The following PIP4P2 variants were observed in gnomAD, a reference collection of about 807,000 sequenced individuals.
PIP4P2 encodes phosphatidylinositol-4,5-bisphosphate 4-phosphatase 2.
Under a neutral mutation model 33.3 loss-of-function variants are expected in PIP4P2, and 19 were observed. The observed-to-expected ratio is 0.57, with a 90% CI of 0.40 to 0.84. PIP4P2 has a LOEUF of 0.84. Ranked by LOEUF, PIP4P2 falls within the 40% of genes least tolerant of loss-of-function variation. The pLI, the probability that PIP4P2 is intolerant of heterozygous loss-of-function variation, is 0.00. For synonymous variants in PIP4P2, 110 were observed against 111.9 expected (o/e 0.98, Z 0.11); for missense variants, 270 against 324.7 (o/e 0.83, Z 1.29).
In PIP4P2 at chr8:91,003,948, G is replaced by GAGATAGATAGAT. The variant is rs74275339; in HGVS notation, c.539+4783_539+4794dup. Among the ~76,000 whole-genome samples the GAGATAGATAGAT allele has an allele frequency of 7.3e-3, 1,007 of 138,158 alleles. 7 individuals are homozygous for GAGATAGATAGAT. Among genetic ancestry groups the GAGATAGATAGAT allele is most frequent in the East Asian group, 9.4e-3 (43 of 4,574 alleles). The allele number at this position is 138,158 out of a possible 152,430, so 90.6% of individuals were successfully genotyped here. A position where few individuals can be genotyped will look rare whatever the true frequency, so the allele number is the denominator to read the frequency against. ...TTCTCCAGAAAGCCAGAACCAACAG[G>GAGATAGATAGAT]AGATAGATAGATAGATAGATAGATA... On this transcript the variant is annotated intron_variant, in intron 5 of 6. Coordinates refer to ENST00000285419, the MANE Select transcript of PIP4P2 (RefSeq NM_018710.3).
chr8:91,018,175 T>C (rs183099828), intron 4 of PIP4P2, among the ~76,000 whole-genome samples: 113 of 152,314 alleles, frequency 7.4e-4, no homozygotes, highest in Admixed American at 3.7e-3. Flanking sequence ...GGATCCTTTT[T>C]GCAACTGGAC....
chr8:91,023,075 T>G (rs950822471), intron 1 of PIP4P2, among the ~76,000 whole-genome samples: 1 of 152,080 alleles, frequency 6.6e-6, no homozygotes, highest in Non-Finnish European at 1.5e-5. Flanking sequence ...ACAATATACT[T>G]AAGGTCTTGC....
chr8:91,023,143 T>C (rs1036321419), intron 1 of PIP4P2, among the ~76,000 whole-genome samples: 3 of 151,588 alleles, frequency 2.0e-5, no homozygotes, highest in African/African-American at 7.3e-5. Flanking sequence ...GGAAAGAATA[T>C]GTACCTCACT....
rs560274279 is a variant in PIP4P2, at chr8:91,030,626, C to T, written c.107-9222G>A. On this transcript the variant is annotated intron_variant, in intron 1 of 6. Coordinates refer to ENST00000285419, the MANE Select transcript of PIP4P2 (RefSeq NM_018710.3). ...ATATGCTCAGAATTGTTACTCCAACCCTTATGCCCATTCGCCAAGTCTTAC... is the reference window on the plus strand; with the variant it reads ...ATATGCTCAGAATTGTTACTCCAACTCTTATGCCCATTCGCCAAGTCTTAC... 8.9e-4 allele frequency among the ~76,000 whole-genome samples: 135 copies of T among 152,100 alleles called. No homozygotes were observed. The South Asian group carries it at 0.012, about 14-fold the overall frequency.
intron 3 of PIP4P2, among the ~76,000 whole-genome samples, chr8:91,019,162 T>C (rs1159740105): frequency 1.3e-5 from 2 of 152,016 alleles, no homozygotes; most frequent in African/African-American, 2.4e-5. Flanking sequence ...CCAGAATTTA[T>C]TGCACATATA....
chr8:91,001,058 A>G (rs997896067), intron 5 of PIP4P2, among the ~76,000 whole-genome samples: 6 of 151,916 alleles, frequency 3.9e-5, no homozygotes, highest in African/African-American at 1.5e-4. Flanking sequence ...GTTTCTTTCT[A>G]TATCTATCTG....
In PIP4P2 at chr8:90,994,041, T is replaced by C. The variant is rs372163873; in HGVS notation, c.*1636A>G. Reference sequence around the variant, plus strand: ...ATTCAGTATACAATGCTGTTACAACTAGTTAACCATTAGGAAAAGAAGTAA... The same window carrying C: ...ATTCAGTATACAATGCTGTTACAACCAGTTAACCATTAGGAAAAGAAGTAA... On this transcript the variant is annotated 3_prime_UTR_variant, in exon 7 of 7. Coordinates refer to ENST00000285419, the MANE Select transcript of PIP4P2 (RefSeq NM_018710.3). 3 of 152,172 alleles carry C rather than the reference T, an allele frequency of 2.0e-5. No individual in the cohort carries two copies. Among genetic ancestry groups the C allele is most frequent in the Admixed American group, 1.3e-4 (2 of 15,276 alleles). 9.4% of individuals were successfully genotyped at this position (152,172 alleles called of 1,614,324 possible).
rs527650418 is a variant in PIP4P2 at position 91,031,840 on chromosome 8, C to T, written c.106+8804G>A. On this transcript the variant is annotated intron_variant, in intron 1 of 6. Coordinates refer to ENST00000285419, the MANE Select transcript of PIP4P2 (RefSeq NM_018710.3). ...GAGTGAGATAAGAAAGGATAACAAG[C>T]ATCTACATTTTAAATTTATAGATAT... is the stretch of plus-strand genomic sequence containing the variant. Among the ~76,000 whole-genome samples, 143 of 152,228 alleles carry T rather than the reference C, an allele frequency of 9.4e-4. 1 individual carries two copies. Among genetic ancestry groups the T allele is most frequent in the African/African-American group, 3.3e-3 (136 of 41,560 alleles).
At chr8:91,018,303 A>G in intron 4 of PIP4P2, 87 bp downstream of exon 4, 1 of 1,559,016 alleles carries the variant, frequency 6.4e-7, no homozygotes, top group Middle Eastern at 1.7e-4. Flanking sequence ...TTGCATTTGG[A>G]CAAAACTATA....
intron 1 of PIP4P2, among the ~76,000 whole-genome samples, chr8:91,023,044 T>A (rs539576356): frequency 6.6e-6 from 1 of 152,242 alleles, no homozygotes; most frequent in African/African-American, 2.4e-5. Flanking sequence ...GAAAAAAACA[T>A]GTTAAAGAAA....
intron 1 of PIP4P2, among the ~76,000 whole-genome samples, chr8:91,036,377 C>T (rs1382514428): frequency 6.6e-6 from 1 of 152,154 alleles, no homozygotes; most frequent in African/African-American, 2.4e-5. Context: ...TATCCGTGTT[C>T]CCCAAAACTC....
At chr8:91,024,012 T>C (rs887913625) in intron 1 of PIP4P2, among the ~76,000 whole-genome samples, 1 of 152,018 alleles carries the variant, frequency 6.6e-6, no homozygotes, top group Non-Finnish European at 1.5e-5. Context: ...GGAGTGCAGC[T>C]TGATGGAAAA....
intron 1 of PIP4P2, among the ~76,000 whole-genome samples, chr8:91,031,550 G>A (rs932216055): frequency 3.3e-5 from 5 of 152,158 alleles, no homozygotes; most frequent in Non-Finnish European, 7.3e-5. Context: ...GATTGACCAA[G>A]CCTAAATATC....
chr8:91,014,985 C>T (rs1811894253), intron 4 of PIP4P2, among the ~76,000 whole-genome samples: 1 of 152,020 alleles, frequency 6.6e-6, no homozygotes, highest in Admixed American at 6.6e-5. Context: ...CAGAAAACCA[C>T]CCTTCCCCAA....
At chr8:91,034,748 T>C (rs530625948) in intron 1 of PIP4P2, among the ~76,000 whole-genome samples, 1 of 152,306 alleles carries the variant, frequency 6.6e-6, no homozygotes, top group Admixed American at 6.5e-5. Flanking sequence ...AGTCTTACAA[T>C]GGGTTGTGCA....
At chr8:91,008,143 C>T (rs1811786634) in intron 5 of PIP4P2, among the ~76,000 whole-genome samples, 1 of 152,066 alleles carries the variant, frequency 6.6e-6, no homozygotes, top group Non-Finnish European at 1.5e-5. Flanking sequence ...CTGTAGAAAA[C>T]CAAGGAACCC....
intron 4 of PIP4P2, among the ~76,000 whole-genome samples, chr8:91,011,029 GATAGAT>G (rs1811829966): frequency 1.4e-5 from 2 of 141,114 alleles, no homozygotes; most frequent in Non-Finnish European, 3.1e-5. Flanking sequence ...GAGATAGATA[GATAGAT>G]AGATAGATAG....
At chr8:91,040,418 T>TCACCACCACCACCACCACCACCATCAC (rs1812289082) in intron 1 of PIP4P2, among the ~76,000 whole-genome samples, 1 of 131,498 alleles carries the variant, frequency 7.6e-6, no homozygotes, top group African/African-American at 3.5e-5. Flanking sequence ...ACCACCACCA[T>TCACCACCACCACCACCACCACCATCAC]CACCACCACC....
At chr8:91,009,922 G>A (rs759981624) in intron 4 of PIP4P2, among the ~76,000 whole-genome samples, 22 of 151,748 alleles carry the variant, frequency 1.4e-4, no homozygotes, top group Non-Finnish European at 3.0e-4. Context: ...AAATAAAAGA[G>A]AAATAAAACT....
Sources: gnomAD v4.1 joint callset for allele counts (sites outside exome capture counted in the v4.1 genomes callset) on GRCh38, gnomAD v4.1.1 for gene constraint, MANE v1.5 for transcripts, NCBI Gene and HGNC (gene_info 2026-07-23, HGNC 2026-07-21) for gene names.